The following CPPED1 variants were observed in gnomAD, a reference collection of about 807,000 sequenced individuals.
CPPED1 encodes the protein calcineurin like phosphoesterase domain containing 1.
In CPPED1, 28 loss-of-function variants were observed where a neutral mutation model predicts 28.0. The ratio of observed to expected loss-of-function variants is 1.00; its 90% CI spans 0.74 to 1.37. CPPED1 has a LOEUF of 1.37. Among genes scored for constraint, CPPED1 ranks in the 40% most tolerant of loss-of-function variants. The probability of loss-of-function intolerance (pLI) is 0.00; values close to 1 mark genes in which losing one functional copy is unlikely to be tolerated. For synonymous variants in CPPED1, 198 were observed against 180.2 expected, an observed-to-expected ratio of 1.10 and a Z score of -0.79; for missense variants, 504 against 416.5, an observed-to-expected ratio of 1.21 and a Z score of -1.83.
intron 2 of CPPED1, among the ~76,000 whole-genome samples, chr16:12,728,206 T>C (rs1002733570): frequency 1.2e-4 from 19 of 152,096 alleles, no homozygotes; most frequent in African/African-American, 4.3e-4. Context: ...ACAGGTGTAA[T>C]AGCAATGATC....
intron 2 of CPPED1, among the ~76,000 whole-genome samples, chr16:12,706,686 C>T (rs934853424): frequency 1.3e-5 from 2 of 152,088 alleles, no homozygotes; most frequent in Admixed American, 6.5e-5. Flanking sequence ...CCTGGATCAA[C>T]TCAGACCAGC....
chr16:12,720,143 T>G (rs953524235), intron 2 of CPPED1, among the ~76,000 whole-genome samples: 8 of 152,178 alleles, frequency 5.3e-5, no homozygotes, highest in Non-Finnish European at 8.8e-5. Context: ...CGATCCTGTC[T>G]TCCCGAGAGA....
At chr16:12,764,800 C>T (rs901937182) in intron 2 of CPPED1, among the ~76,000 whole-genome samples, 15 of 152,238 alleles carry the variant, frequency 9.9e-5, no homozygotes, top group African/African-American at 3.4e-4. Flanking sequence ...CCTCATGACT[C>T]TGCCTGTCTA....
At chr16:12,742,071 A>G (rs2080258954) in intron 2 of CPPED1, among the ~76,000 whole-genome samples, 1 of 105,292 alleles carries the variant, frequency 9.5e-6, no homozygotes, top group Non-Finnish European at 2.1e-5. Context: ...GTTTCAGAAA[A>G]TAAAATAAAA....
chr16:12,674,805 A>G (rs1225547861), intron 3 of CPPED1, among the ~76,000 whole-genome samples: 1 of 152,192 alleles, frequency 6.6e-6, no homozygotes, highest in Non-Finnish European at 1.5e-5. Context: ...TGGACCCATT[A>G]CTGACCTCTG....
At chr16:12,791,974 T>G (rs1163525490) in intron 1 of CPPED1, among the ~76,000 whole-genome samples, 1 of 151,440 alleles carries the variant, frequency 6.6e-6, no homozygotes, top group Non-Finnish European at 1.5e-5. Context: ...TTTTTTGAGA[T>G]GGAGTCTTGA....
intron 2 of CPPED1, among the ~76,000 whole-genome samples, chr16:12,740,856 G>A (rs181925132): frequency 1.9e-4 from 29 of 152,290 alleles, no homozygotes; most frequent in African/African-American, 5.8e-4. Flanking sequence ...GGGTGCTGCT[G>A]GGCTGCTGCA....
intron 3 of CPPED1, among the ~76,000 whole-genome samples, chr16:12,666,752 T>A (rs2079827902): frequency 6.6e-6 from 1 of 152,210 alleles, no homozygotes; most frequent in African/African-American, 2.4e-5. Flanking sequence ...GCAAAAGAAT[T>A]ACAAAGTGAT....
At chr16:12,759,253 G>C (rs1446889283) in intron 2 of CPPED1, 1 of 151,310 alleles carries the variant, frequency 6.6e-6, no homozygotes, top group Admixed American at 6.6e-5. Context: ...ATGCAAAACT[G>C]CTCCCAGGGA....
chr16:12,781,442 GT>G (rs755411714), intron 1 of CPPED1, 39 bp from the exon 2 acceptor site: 42 of 1,584,136 alleles, frequency 2.7e-5, no homozygotes, highest in Non-Finnish European at 3.5e-5. Context: ...GAGAAATCTT[GT>G]AAAATCTGTC....
intron 3 of CPPED1, among the ~76,000 whole-genome samples, chr16:12,694,977 C>G (rs1186759656): frequency 2.0e-5 from 3 of 152,006 alleles, no homozygotes; most frequent in African/African-American, 7.2e-5. Flanking sequence ...AGGGTTTCAC[C>G]ATGTTGGCCA....
At chr16:12,737,261 A>C (rs2080231679) in intron 2 of CPPED1, among the ~76,000 whole-genome samples, 1 of 152,190 alleles carries the variant, frequency 6.6e-6, no homozygotes, top group South Asian at 2.1e-4. Flanking sequence ...TTGAGCAACA[A>C]CTTGAAGGTG....
At chr16:12,711,462 C>A (rs1346083688) in intron 2 of CPPED1, among the ~76,000 whole-genome samples, 9 of 152,146 alleles carry the variant, frequency 5.9e-5, no homozygotes. Context: ...GAACGGTACA[C>A]TTAAAATGGT....
At chr16:12,801,657 G>A (rs1407865978) in intron 1 of CPPED1, among the ~76,000 whole-genome samples, 5 of 152,058 alleles carry the variant, frequency 3.3e-5, no homozygotes, top group Non-Finnish European at 7.4e-5. Context: ...TGTACAGAAT[G>A]TTCATAACAG....
At chr16:12,800,422 ACT>A (rs1315487204) in intron 1 of CPPED1, among the ~76,000 whole-genome samples, 7 of 138,812 alleles carry the variant, frequency 5.0e-5, no homozygotes, top group South Asian at 2.3e-4. Flanking sequence ...ACAGAGCTAG[ACT>A]CTGTCTCAAA....
chr16:12,771,499 T>A (rs1038577838), intron 2 of CPPED1, among the ~76,000 whole-genome samples: 3 of 152,186 alleles, frequency 2.0e-5, no homozygotes, highest in Non-Finnish European at 4.4e-5. Flanking sequence ...CACTGCCCTT[T>A]AGGAACTTGG....
chr16:12,694,252 A>C (rs2079978167), intron 3 of CPPED1, among the ~76,000 whole-genome samples: 1 of 152,186 alleles, frequency 6.6e-6, no homozygotes, highest in African/African-American at 2.4e-5. Context: ...GTTGAAGAGC[A>C]ATCTACAACC....
intron 1 of CPPED1, among the ~76,000 whole-genome samples, chr16:12,793,375 G>A (rs2080608026): frequency 6.6e-6 from 1 of 152,104 alleles, no homozygotes; most frequent in Non-Finnish European, 1.5e-5. Flanking sequence ...GCGGGAGGCG[G>A]GGATAGACCA....
At chr16:12,729,832 C>T (rs2080188352) in intron 2 of CPPED1, among the ~76,000 whole-genome samples, 1 of 152,136 alleles carries the variant, frequency 6.6e-6, no homozygotes, top group African/African-American at 2.4e-5. Context: ...CTGGAAAGTA[C>T]ATGGACAAGT....
Sources: allele counts gnomAD v4.1 joint callset (sites outside exome capture counted in the v4.1 genomes callset), GRCh38; gene constraint gnomAD v4.1.1; transcripts MANE v1.5; gene names NCBI Gene and HGNC (gene_info 2026-07-23, HGNC 2026-07-21).